The following LRFN5 variants were observed in gnomAD, a reference collection of about 807,000 sequenced individuals.
LRFN5 encodes leucine rich repeat and fibronectin type III domain containing 5.
A neutral mutation model predicts 45.6 loss-of-function variants in LRFN5; 24 were observed. The observed-to-expected ratio is 0.53, with a 90% confidence interval of 0.38 to 0.74. LRFN5 has a LOEUF of 0.74. Ranked by LOEUF, LRFN5 falls within the 30% of genes least tolerant of loss-of-function variation. LRFN5 has a pLI of 0.00. For synonymous variants in LRFN5, 340 were observed against 313.8 expected (o/e 1.08, Z -0.88); for missense variants, 776 against 861.5 (o/e 0.90, Z 1.24).
chr14:41,685,907 C>A (rs1232484272), intron 1 of LRFN5, among the ~76,000 whole-genome samples: 1 of 152,026 alleles, frequency 6.6e-6, no homozygotes, highest in Non-Finnish European at 1.5e-5. Context: ...TGTGATGCGT[C>A]CAGTTTTGTT....
At chr14:41,888,970 T>C (rs1285922486) in intron 3 of LRFN5, among the ~76,000 whole-genome samples, 1 of 149,610 alleles carries the variant, frequency 6.7e-6, no homozygotes. Context: ...TATATACACA[T>C]ATGTGTGTAT....
intron 2 of LRFN5, among the ~76,000 whole-genome samples, chr14:41,832,970 T>C (rs1888538202): frequency 6.6e-6 from 1 of 152,156 alleles, no homozygotes; most frequent in Non-Finnish European, 1.5e-5. Flanking sequence ...GAGAACAACA[T>C]GCGGCCTTTT....
chr14:41,765,148 T>C (rs1400428922), intron 1 of LRFN5, among the ~76,000 whole-genome samples: 1 of 151,978 alleles, frequency 6.6e-6, no homozygotes, highest in Non-Finnish European at 1.5e-5. Context: ...GAGACCATCC[T>C]GGCTAACACA....
intron 1 of LRFN5, among the ~76,000 whole-genome samples, chr14:41,738,682 G>A (rs570785692): frequency 1.0e-3 from 156 of 152,168 alleles, no homozygotes; most frequent in African/African-American, 3.6e-3. Context: ...AGTAGCTTTC[G>A]TCTGATAGCT....
intron 1 of LRFN5, among the ~76,000 whole-genome samples, chr14:41,671,329 C>T (rs1376444686): frequency 1.3e-5 from 2 of 152,018 alleles, no homozygotes; most frequent in African/African-American, 4.8e-5. Flanking sequence ...AAGTGAAGGG[C>T]AACACACTAA....
intron 1 of LRFN5, among the ~76,000 whole-genome samples, chr14:41,759,707 A>G (rs763799071): frequency 3.3e-5 from 5 of 152,140 alleles, no homozygotes; most frequent in Non-Finnish European, 4.4e-5. Flanking sequence ...ACCCAAAGCA[A>G]ATAGCAATTC....
intron 1 of LRFN5, among the ~76,000 whole-genome samples, chr14:41,671,604 A>ATTTTTTTTTTCTTTT (rs1566613117): frequency 1.1e-5 from 1 of 91,078 alleles, no homozygotes; most frequent in African/African-American, 4.6e-5. Flanking sequence ...TGGAGGAGAG[A>ATTTTTTTTTTCTTTT]TTTTTTTTTT....
intron 5 of LRFN5, among the ~76,000 whole-genome samples, chr14:41,902,705 C>G (rs1459976472): frequency 6.6e-6 from 1 of 151,730 alleles, no homozygotes; most frequent in Non-Finnish European, 1.5e-5. Flanking sequence ...AAAACTTAAA[C>G]TAGTTATTTT....
At chr14:41,862,846 C>T (rs1889709980) in intron 2 of LRFN5, among the ~76,000 whole-genome samples, 1 of 145,476 alleles carries the variant, frequency 6.9e-6, no homozygotes, top group African/African-American at 2.5e-5. Flanking sequence ...TCATGAAGTG[C>T]TTATTTAAGT....
chr14:41,780,660 G>T (rs1886450202), intron 2 of LRFN5, among the ~76,000 whole-genome samples: 1 of 151,922 alleles, frequency 6.6e-6, no homozygotes, highest in Admixed American at 6.6e-5. Flanking sequence ...GAAGAATTTA[G>T]ATCATTCATG....
At chr14:41,741,263 G>T (rs989405178) in intron 1 of LRFN5, among the ~76,000 whole-genome samples, 1 of 151,770 alleles carries the variant, frequency 6.6e-6, no homozygotes, top group Admixed American at 6.7e-5. Context: ...TGAGCAAAAA[G>T]AATGAAGTAG....
intron 2 of LRFN5, among the ~76,000 whole-genome samples, chr14:41,874,235 A>C (rs1890115179): frequency 6.6e-6 from 1 of 152,156 alleles, no homozygotes; most frequent in Non-Finnish European, 1.5e-5. Context: ...ATTATCCTGC[A>C]ATGAGATGCA....
At position 41,705,599 on chromosome 14, in the gene LRFN5, ACTTTT is replaced by A. The variant is rs545930988; in HGVS notation, c.-196-61244_-196-61240del. Among the ~76,000 whole-genome samples, 12 of 152,238 alleles carry A rather than the reference ACTTTT, an allele frequency of 7.9e-5. No individual in the cohort carries two copies. In the East Asian group the frequency reaches 2.1e-3, roughly 27 times the overall value. ...AGACTGTTTTATGATAGGGTAATAC[ACTTTT>A]CTTTTCTTTTTCTTCTTTGTCCAGC... On this transcript the variant is annotated intron_variant, in intron 1 of 5. Coordinates refer to ENST00000298119, the MANE Select transcript of LRFN5 (RefSeq NM_152447.5).
At chr14:41,737,423 T>A (rs8007467) in intron 1 of LRFN5, among the ~76,000 whole-genome samples, 45,467 of 151,974 alleles carry the variant, frequency 0.3, 8,418 homozygotes, top group East Asian at 0.73. Context: ...CTGGAAGCAT[T>A]TCCTTTGAAA....
At chr14:41,683,169 G>C (rs370613292) in intron 1 of LRFN5, among the ~76,000 whole-genome samples, 3 of 152,252 alleles carry the variant, frequency 2.0e-5, no homozygotes, top group Admixed American at 6.5e-5. Flanking sequence ...TTCAACTTTT[G>C]CACACCAATC....
intron 2 of LRFN5, among the ~76,000 whole-genome samples, chr14:41,776,918 A>G (rs1886312421): frequency 6.6e-6 from 1 of 152,006 alleles, no homozygotes; most frequent in South Asian, 2.1e-4. Flanking sequence ...TGTTTTCCAT[A>G]CTTATAACCA....
chr14:41,752,962 C>T (rs1346938426), intron 1 of LRFN5, among the ~76,000 whole-genome samples: 3 of 152,156 alleles, frequency 2.0e-5, no homozygotes, highest in Non-Finnish European at 4.4e-5. Context: ...AGGAAGGGAT[C>T]CAGTTTCAGC....
At chr14:41,867,436 G>A (rs973043044) in intron 2 of LRFN5, among the ~76,000 whole-genome samples, 2 of 151,924 alleles carry the variant, frequency 1.3e-5, no homozygotes, top group African/African-American at 2.4e-5. Context: ...CAAATCTCTG[G>A]CTTATGAAAA....
rs74045171 is a variant in LRFN5 at position 41,610,915 on chromosome 14, A to C, written c.-197+2353A>C. 5.0e-3 allele frequency among the ~76,000 whole-genome samples: 765 copies of C among 152,248 alleles called. 4 individuals are homozygous for C. Among genetic ancestry groups the C allele is most frequent in the African/African-American group, 0.018 (742 of 41,540 alleles). ...AATTACCCCAGAATACTATTACAAC[A>C]GTATTGATATCATACTTACAATATT... On this transcript the variant is annotated intron_variant, in intron 1 of 5. Coordinates refer to ENST00000298119, the MANE Select transcript of LRFN5 (RefSeq NM_152447.5).
Sources: gnomAD v4.1 joint callset for allele counts (sites outside exome capture counted in the v4.1 genomes callset) on GRCh38, gnomAD v4.1.1 for gene constraint, MANE v1.5 for transcripts, NCBI Gene and HGNC (gene_info 2026-07-23, HGNC 2026-07-21) for gene names.